LMO7: variants seen among roughly 807,000 people sequenced by gnomAD.
LMO7 encodes the protein LIM domain 7.
A neutral mutation model predicts 206.5 loss-of-function variants in LMO7; 120 were observed. That is an observed-to-expected ratio of 0.58 (90% CI 0.50 to 0.68). The LOEUF (loss-of-function observed/expected upper bound fraction) is 0.68, where lower values mean the gene tolerates loss of function less well. Ranked by LOEUF, LMO7 falls within the 30% of genes least tolerant of loss-of-function variation. The pLI is 0.00. For missense variants in LMO7, 1,959 were observed against 1,957.9 expected, an observed-to-expected ratio of 1.00 and a Z score of -0.01; for synonymous variants, 706 against 681.5, an observed-to-expected ratio of 1.04 and a Z score of -0.56.
chr13:75,794,911 C>T (rs1163862535), intron 4 of LMO7, among the ~76,000 whole-genome samples: 1 of 151,956 alleles, frequency 6.6e-6, no homozygotes, highest in Non-Finnish European at 1.5e-5. Context: ...CTCTGGGGAA[C>T]TTGGATGAAA....
chr13:75,840,970 C>T (rs2059515789), intron 22 of LMO7, 139 bp from the exon 23 acceptor site: 1 of 619,020 alleles, frequency 1.6e-6, no homozygotes, highest in Non-Finnish European at 2.8e-6. Flanking sequence ...GGACTAAAAT[C>T]TGATTGGCTT....
At chr13:75,693,568 C>G (rs1212577909) in intron 1 of LMO7, among the ~76,000 whole-genome samples, 1 of 152,238 alleles carries the variant, frequency 6.6e-6, no homozygotes, top group Non-Finnish European at 1.5e-5. Flanking sequence ...ACTCCATGCT[C>G]TGTTCCAGGA....
intron 1 of LMO7, among the ~76,000 whole-genome samples, chr13:75,641,838 T>C (rs2036565587): frequency 6.6e-6 from 1 of 151,912 alleles, no homozygotes; most frequent in Non-Finnish European, 1.5e-5. Flanking sequence ...TTTTTTTTTT[T>C]TGGTAGAGAC....
At chr13:75,777,033 A>G (rs1287972095) in intron 4 of LMO7, among the ~76,000 whole-genome samples, 2 of 152,202 alleles carry the variant, frequency 1.3e-5, no homozygotes, top group African/African-American at 4.8e-5. Flanking sequence ...GGCGTTTGCA[A>G]TGTCAGCCAG....
chr13:75,759,165 G>GA (rs2047937417), intron 3 of LMO7, among the ~76,000 whole-genome samples: 1 of 152,104 alleles, frequency 6.6e-6, no homozygotes, highest in Admixed American at 6.5e-5. Flanking sequence ...AGAACAGCAT[G>GA]GGGGAAACTG....
At chr13:75,766,316 T>G (rs2048874834) in intron 4 of LMO7, among the ~76,000 whole-genome samples, 1 of 151,252 alleles carries the variant, frequency 6.6e-6, no homozygotes, top group Admixed American at 6.6e-5. Flanking sequence ...TTTCATGTCC[T>G]ATTCTGGCCT....
intron 4 of LMO7, among the ~76,000 whole-genome samples, chr13:75,779,222 A>G (rs117823115): frequency 2.0e-5 from 3 of 152,242 alleles, no homozygotes; most frequent in East Asian, 1.9e-4. Flanking sequence ...AACTTATCAA[A>G]CTTTAAATTC....
At chr13:75,685,439 G>T (rs578213486) in intron 1 of LMO7, among the ~76,000 whole-genome samples, 1 of 152,320 alleles carries the variant, frequency 6.6e-6, no homozygotes, top group East Asian at 1.9e-4. Context: ...ATGCCAAAGA[G>T]AGAGACCAAT....
chr13:75,731,105 G>C (rs1221955605), intron 3 of LMO7, among the ~76,000 whole-genome samples: 5 of 152,056 alleles, frequency 3.3e-5, no homozygotes, highest in African/African-American at 1.2e-4. Flanking sequence ...TGTATATTCT[G>C]TTGATTTGGG....
In LMO7 at chr13:75,834,295, C is replaced by T. The variant is rs1339238327; in HGVS notation, c.3134C>T (p.Ser1045Leu). 1 of 1,611,220 alleles carries T rather than the reference C, an allele frequency of 6.2e-7. No individual in the cohort carries two copies. Among genetic ancestry groups the T allele is most frequent in the African/African-American group, 1.3e-5 (1 of 74,732 alleles). Residue 1045 changes from serine to leucine, a missense_variant, in exon 17 of 31, where the codon TCA becomes TTA. Physicochemically the swap from Ser to Leu is moderately radical, Grantham distance 145 (BLOSUM62 -2). Coordinates refer to ENST00000377534, the MANE Select transcript of LMO7 (RefSeq NM_001306080.2). ...ATTGCTATTAACAACACCAAGTTTTCATATAACGATTCAAAAGAGTGGGAG... is the reference window on the plus strand; with the variant it reads ...ATTGCTATTAACAACACCAAGTTTTTATATAACGATTCAAAAGAGTGGGAG... Reference protein sequence around the residue: ...EIIAINNTKFSYNDSKEWEEA... With the variant: ...EIIAINNTKFLYNDSKEWEEA...
intron 1 of LMO7, among the ~76,000 whole-genome samples, chr13:75,668,578 C>T (rs1044559774): frequency 1.3e-5 from 2 of 152,164 alleles, no homozygotes; most frequent in African/African-American, 4.8e-5. Context: ...ACTAGATGCT[C>T]ATTTAGTGCA....
At chr13:75,808,949 G>T (rs2055927333) in intron 10 of LMO7, among the ~76,000 whole-genome samples, 1 of 152,122 alleles carries the variant, frequency 6.6e-6, no homozygotes, top group Admixed American at 6.6e-5. Flanking sequence ...GTAAATTGAG[G>T]AAATTCTTCA....
At chr13:75,701,902 T>C (rs1024245698) in intron 1 of LMO7, among the ~76,000 whole-genome samples, 9 of 152,172 alleles carry the variant, frequency 5.9e-5, no homozygotes, top group Admixed American at 5.9e-4. Context: ...TGATGAAACC[T>C]TGTACATAAA....
chr13:75,683,815 C>T (rs901546238), intron 1 of LMO7, among the ~76,000 whole-genome samples: 5 of 152,024 alleles, frequency 3.3e-5, no homozygotes, highest in African/African-American at 9.7e-5. Flanking sequence ...GGGCTTCCAG[C>T]TTATAGGTTG....
At chr13:75,734,009 C>A (rs948028857) in intron 3 of LMO7, among the ~76,000 whole-genome samples, 1 of 152,216 alleles carries the variant, frequency 6.6e-6, no homozygotes, top group African/African-American at 2.4e-5. Context: ...TCAGCCAGCA[C>A]ACAGATCCTA....
At chr13:75,802,107 C>A (rs2054824542) in intron 7 of LMO7, among the ~76,000 whole-genome samples, 1 of 152,090 alleles carries the variant, frequency 6.6e-6, no homozygotes, top group Non-Finnish European at 1.5e-5. Flanking sequence ...TGTTTTACTT[C>A]TGATGTGAAA....
chr13:75,772,359 A>G lies in LMO7; in HGVS notation c.317+11321A>G, dbSNP rs1292217736. On this transcript the variant is annotated intron_variant, in intron 4 of 30. Coordinates refer to ENST00000377534, the MANE Select transcript of LMO7 (RefSeq NM_001306080.2). ...ATAACTAGTAGATGGGTTAGATGTGATAAACACTTGAGTTTTAAAGCTATT... is the reference window on the plus strand; with the variant it reads ...ATAACTAGTAGATGGGTTAGATGTGGTAAACACTTGAGTTTTAAAGCTATT... Among the ~76,000 whole-genome samples the G allele has an allele frequency of 2.6e-5, 4 of 152,288 alleles. No individual in the cohort carries two copies. The South Asian group carries it at 6.2e-4, about 24-fold the overall frequency.
At chr13:75,638,352 G>T (rs948830637) in intron 1 of LMO7, among the ~76,000 whole-genome samples, 1 of 151,902 alleles carries the variant, frequency 6.6e-6, no homozygotes, top group African/African-American at 2.4e-5. Flanking sequence ...TTTTCTCCAA[G>T]AAATTTGTAT....
At chr13:75,746,313 C>T (rs1241892219) in intron 3 of LMO7, among the ~76,000 whole-genome samples, 2 of 151,908 alleles carry the variant, frequency 1.3e-5, no homozygotes, top group Non-Finnish European at 2.9e-5. Flanking sequence ...AATGTTGTTC[C>T]CTGGCAGCAT....
Sources: gnomAD v4.1 joint callset for allele counts (sites outside exome capture counted in the v4.1 genomes callset) on GRCh38, gnomAD v4.1.1 for gene constraint, MANE v1.5 for transcripts, NCBI Gene and HGNC (gene_info 2026-07-23, HGNC 2026-07-21) for gene names.